Variants in RBMS3 observed in about 807,000 individuals in gnomAD.
RBMS3 encodes RNA binding motif single stranded interacting protein 3.
RBMS3 carries 27 observed loss-of-function variants against 66.8 expected under a neutral mutation model. The ratio of observed to expected loss-of-function variants is 0.40; its 90% CI spans 0.30 to 0.56. RBMS3 has a LOEUF of 0.56. Ranked by LOEUF, RBMS3 falls within the 20% of genes least tolerant of loss-of-function variation. The pLI is 0.40. For missense variants in RBMS3, 513 were observed against 549.5 expected, an observed-to-expected ratio of 0.93 and a Z score of 0.66; for synonymous variants, 188 against 183.0, an observed-to-expected ratio of 1.03 and a Z score of -0.22.
chr3:29,775,014 C>T (rs987042264), intron 6 of RBMS3, among the ~76,000 whole-genome samples: 2 of 151,222 alleles, frequency 1.3e-5, no homozygotes, highest in Non-Finnish European at 2.9e-5. Flanking sequence ...TGTAAAGAGG[C>T]CCTGAGACAA....
At chr3:29,973,097 T>A (rs1559851386) in intron 12 of RBMS3, among the ~76,000 whole-genome samples, 1 of 152,052 alleles carries the variant, frequency 6.6e-6, no homozygotes, top group Non-Finnish European at 1.5e-5. Context: ...TATTTCAAAT[T>A]TAAAGACTGA....
intron 2 of RBMS3, among the ~76,000 whole-genome samples, chr3:29,444,011 C>A (rs1469746741): frequency 6.6e-6 from 1 of 152,080 alleles, no homozygotes; most frequent in African/African-American, 2.4e-5. Context: ...AAATCAAGAG[C>A]TCTTCTTAGT....
At chr3:29,473,357 G>A (rs1488186054) in intron 2 of RBMS3, among the ~76,000 whole-genome samples, 1 of 152,252 alleles carries the variant, frequency 6.6e-6, no homozygotes, top group Non-Finnish European at 1.5e-5. Context: ...TAGATACAGA[G>A]TATCGATTGG....
At chr3:29,403,055 A>G (rs923507161) in intron 1 of RBMS3, among the ~76,000 whole-genome samples, 7 of 152,058 alleles carry the variant, frequency 4.6e-5, no homozygotes, top group African/African-American at 1.7e-4. Context: ...GTAAAAGAGT[A>G]CATGGGATGT....
intron 1 of RBMS3, among the ~76,000 whole-genome samples, chr3:29,378,743 A>G (rs1376113474): frequency 6.6e-6 from 1 of 152,166 alleles, no homozygotes; most frequent in African/African-American, 2.4e-5. Context: ...ATTGGGTTGT[A>G]TATTCTGTCT....
chr3:29,559,953 A>G (rs2149046499), intron 3 of RBMS3, among the ~76,000 whole-genome samples: 1 of 152,294 alleles, frequency 6.6e-6, no homozygotes, highest in Admixed American at 6.5e-5. Context: ...ATACAAAAGC[A>G]TCTTATTTTA....
At chr3:29,841,575 A>G (rs2058664982) in intron 6 of RBMS3, among the ~76,000 whole-genome samples, 1 of 152,036 alleles carries the variant, frequency 6.6e-6, no homozygotes, top group Admixed American at 6.5e-5. Context: ...TCTACCATGT[A>G]CTGCACCTTA....
At chr3:29,564,930 C>T (rs1400699401) in intron 3 of RBMS3, among the ~76,000 whole-genome samples, 2 of 152,076 alleles carry the variant, frequency 1.3e-5, no homozygotes, top group Admixed American at 1.3e-4. Context: ...AATATTTCAT[C>T]GAAGCTGTTG....
At chr3:29,465,303 G>C (rs998667548) in intron 2 of RBMS3, among the ~76,000 whole-genome samples, 1 of 152,130 alleles carries the variant, frequency 6.6e-6, no homozygotes, top group African/African-American at 2.4e-5. Flanking sequence ...CAGCTTCTTG[G>C]TGTAATGCTT....
intron 14 of RBMS3, among the ~76,000 whole-genome samples, chr3:30,003,384 A>C: frequency 6.6e-6 from 1 of 152,004 alleles, no homozygotes; most frequent in African/African-American, 2.4e-5. Flanking sequence ...AAGAAAGTAG[A>C]GAAGGGGAAG....
At chr3:29,645,774 C>T (rs2049898363) in intron 4 of RBMS3, among the ~76,000 whole-genome samples, 1 of 152,160 alleles carries the variant, frequency 6.6e-6, no homozygotes, top group Non-Finnish European at 1.5e-5. Context: ...TGTTTTGCAG[C>T]ATGGATGTCA....
chr3:29,713,516 A>G (rs988317578), intron 4 of RBMS3, among the ~76,000 whole-genome samples: 6 of 152,132 alleles, frequency 3.9e-5, no homozygotes, highest in African/African-American at 1.4e-4. Context: ...CTAGAAAAAG[A>G]CTGGTCATTT....
chr3:29,958,966 C>T (rs1288809073), intron 12 of RBMS3, among the ~76,000 whole-genome samples: 1 of 152,146 alleles, frequency 6.6e-6, no homozygotes, highest in African/African-American at 2.4e-5. Context: ...TTTACTACCC[C>T]TTTTTCACCA....
chr3:29,455,930 ATG>A (rs1174713892), intron 2 of RBMS3, among the ~76,000 whole-genome samples: 1 of 152,208 alleles, frequency 6.6e-6, no homozygotes, highest in African/African-American at 2.4e-5. Context: ...TCAGATAAGA[ATG>A]TGCATATCAG....
At chr3:29,866,183 T>C (rs1185782037) in intron 6 of RBMS3, among the ~76,000 whole-genome samples, 3 of 151,826 alleles carry the variant, frequency 2.0e-5, no homozygotes, top group Non-Finnish European at 4.4e-5. Flanking sequence ...GGGTGATGGA[T>C]ATGTTCATTA....
intron 1 of RBMS3, among the ~76,000 whole-genome samples, chr3:29,419,931 T>C (rs1187937238): frequency 6.6e-6 from 1 of 152,224 alleles, no homozygotes; most frequent in Non-Finnish European, 1.5e-5. Flanking sequence ...GTTCATGCTA[T>C]GCTTTTTGCT....
intron 6 of RBMS3, among the ~76,000 whole-genome samples, chr3:29,862,513 C>A (rs973463501): frequency 2.0e-5 from 3 of 152,022 alleles, no homozygotes; most frequent in Non-Finnish European, 4.4e-5. Context: ...AGAGAAACAG[C>A]ATTCAACCTG....
At chr3:29,484,938 G>A (rs2043266460) in intron 2 of RBMS3, among the ~76,000 whole-genome samples, 1 of 152,146 alleles carries the variant, frequency 6.6e-6, no homozygotes, top group Non-Finnish European at 1.5e-5. Context: ...TGACTGCGGA[G>A]ACTCTATTTT....
intron 6 of RBMS3, among the ~76,000 whole-genome samples, chr3:29,809,208 C>G (rs1032535316): frequency 6.6e-6 from 1 of 151,422 alleles, no homozygotes; most frequent in Admixed American, 6.6e-5. Flanking sequence ...TCTAAAAATC[C>G]TTTTTCGAAA....
Sources: gnomAD v4.1 joint callset for allele counts (sites outside exome capture counted in the v4.1 genomes callset) on GRCh38, gnomAD v4.1.1 for gene constraint, MANE v1.5 for transcripts, NCBI Gene and HGNC (gene_info 2026-07-23, HGNC 2026-07-21) for gene names.